Variants in ANO2 observed in about 807,000 individuals in gnomAD.
The protein encoded by ANO2 is anoctamin 2, also known as anoctamin-2.
ANO2 carries 101 observed loss-of-function variants against 124.2 expected under a neutral mutation model. That is an observed-to-expected ratio of 0.81 (90% CI 0.69 to 0.96). ANO2 has a LOEUF of 0.96. ANO2 is among the 40% of genes least tolerant of loss of function. The pLI is 0.00. For synonymous variants in ANO2, 486 were observed against 482.5 expected, an observed-to-expected ratio of 1.01 and a Z score of -0.09; for missense variants, 1,293 against 1,274.5, an observed-to-expected ratio of 1.01 and a Z score of -0.22.
At chr12:5,603,762 G>A (rs938445777) in intron 19 of ANO2, among the ~76,000 whole-genome samples, 10 of 151,772 alleles carry the variant, frequency 6.6e-5, no homozygotes, top group Non-Finnish European at 1.0e-4. Context: ...TGGCTAACAC[G>A]GTGAAACCCC....
intron 10 of ANO2, among the ~76,000 whole-genome samples, chr12:5,763,434 G>T (rs1481304563): frequency 1.3e-5 from 2 of 151,936 alleles, no homozygotes; most frequent in African/African-American, 4.8e-5. Context: ...ATCATGCCTT[G>T]CTTTTCTCTT....
intron 7 of ANO2, among the ~76,000 whole-genome samples, chr12:5,820,974 G>A (rs1298259366): frequency 2.0e-5 from 3 of 152,214 alleles, no homozygotes; most frequent in Admixed American, 2.0e-4. Flanking sequence ...CAGCTGGCAA[G>A]GCCATTAATA....
At chr12:5,922,586 CT>C in intron 2 of ANO2, 33 bp downstream of exon 2, 1 of 1,507,444 alleles carries the variant, frequency 6.6e-7, no homozygotes, top group Non-Finnish European at 8.8e-7. Context: ...CAGGGCTGGC[CT>C]ATCCCCCCAC....
chr12:5,912,478 A>C (rs1365463367), intron 3 of ANO2, among the ~76,000 whole-genome samples: 1 of 152,144 alleles, frequency 6.6e-6, no homozygotes, highest in Non-Finnish European at 1.5e-5. Flanking sequence ...AGAATGCTGA[A>C]GGTTAATGTT....
intron 15 of ANO2, among the ~76,000 whole-genome samples, chr12:5,637,440 G>A (rs1946084191): frequency 6.6e-6 from 1 of 151,922 alleles, no homozygotes; most frequent in Non-Finnish European, 1.5e-5. Flanking sequence ...CTTTGTTTAG[G>A]GTCTTGTGGG....
intron 15 of ANO2, among the ~76,000 whole-genome samples, chr12:5,646,228 A>G (rs146856436): frequency 1.3e-3 from 199 of 152,272 alleles, no homozygotes; most frequent in Non-Finnish European, 2.5e-3. Context: ...CTCAAGGTAA[A>G]AGCAGCTCTA....
At position 5,610,972 on chromosome 12, in the gene ANO2, CT is replaced by C. The variant is rs34792083; in HGVS notation, c.2087+1683del. Among the ~76,000 whole-genome samples, 78 of 113,616 alleles carry C rather than the reference CT, an allele frequency of 6.9e-4. 3 individuals carry two copies. The highest frequency in any genetic ancestry group is 1.1e-3 in the African/African-American group (36 of 31,670). 74.5% of individuals were successfully genotyped at this position (113,616 alleles called of 152,430 possible). On this transcript the variant is annotated intron_variant, in intron 19 of 24. Transcript: ENST00000682330. ...ACACATCCTGGAACAAACTTCTCTG[CT>C]TTTTTTTTTTTTTTTTGAGACAGAG...
At chr12:5,590,214 T>A (rs1280090040) in intron 20 of ANO2, among the ~76,000 whole-genome samples, 1 of 144,856 alleles carries the variant, frequency 6.9e-6, no homozygotes, top group African/African-American at 2.5e-5. Flanking sequence ...CATTATGAGA[T>A]TTTTTTTTGC....
At chr12:5,786,215 G>C (rs1952535569) in intron 10 of ANO2, among the ~76,000 whole-genome samples, 1 of 152,126 alleles carries the variant, frequency 6.6e-6, no homozygotes, top group Admixed American at 6.5e-5. Context: ...TTAGGATTGA[G>C]ATTCTATCTC....
At chr12:5,882,784 C>G (rs1299621842) in intron 3 of ANO2, among the ~76,000 whole-genome samples, 3 of 152,148 alleles carry the variant, frequency 2.0e-5, no homozygotes, top group African/African-American at 7.2e-5. Flanking sequence ...CAGCAGCAGA[C>G]TAAAGCCCCA....
rs563482442 is a variant in ANO2 at position 5,589,825 on chromosome 12, T to C, written c.2233+9659A>G. ...GGCAGGGCAGGAGGGAGCTGTAGGG[T>C]GCGGAGGATTCACTTTCCTGGACCA... On this transcript the variant is annotated intron_variant, in intron 20 of 24. Transcript: ENST00000682330. 1.2e-4 allele frequency among the ~76,000 whole-genome samples: 18 copies of C among 151,230 alleles called. No individual in the cohort carries two copies. The South Asian group carries it at 3.6e-3, about 30-fold the overall frequency.
rs960774718 is a variant in ANO2, at chr12:5,658,886, C to T, written c.1546-11085G>A. Among the ~76,000 whole-genome samples the T allele has an allele frequency of 1.3e-5, 2 of 152,142 alleles. No homozygotes were observed. The highest frequency in any genetic ancestry group is 2.1e-4 in the South Asian group (1 of 4,814). On this transcript the variant is annotated intron_variant, in intron 14 of 24. Transcript: ENST00000682330. The surrounding 1 kb of genome is among the most constrained non-coding windows in gnomAD (Gnocchi z 4.3). ...TCATCATCATCATCAACATCATTAT[C>T]ATCATTAAAATCATCATCAGCAACA...
chr12:5,697,220 T>G (rs1319776856), intron 14 of ANO2, among the ~76,000 whole-genome samples: 1 of 151,326 alleles, frequency 6.6e-6, no homozygotes, highest in Non-Finnish European at 1.5e-5. Flanking sequence ...GATCACAAGA[T>G]CAGGAGATCA....
In ANO2 at chr12:5,812,575, AAG is replaced by A. The variant is rs1296967229; in HGVS notation, c.893-5209_893-5208del. 8.9e-4 allele frequency among the ~76,000 whole-genome samples: 4 copies of A among 4,486 alleles called. 2 individuals are homozygous for A. The South Asian group carries it at 0.026, about 30-fold the overall frequency. 2.9% of individuals were successfully genotyped at this position (4,486 alleles called of 152,430 possible). The stretch of plus-strand genomic sequence containing the variant: ...AGAAAGAAAGAAAGAAAAAGAAAAA[AAG>A]AAAGAGAAAGAAAGAGGAAGAAGAA... On this transcript the variant is annotated intron_variant, in intron 7 of 24. Transcript: ENST00000682330.
chr12:5,798,907 A>C (rs1371036235), intron 10 of ANO2, among the ~76,000 whole-genome samples: 5 of 152,214 alleles, frequency 3.3e-5, no homozygotes. Flanking sequence ...ATGACATTCC[A>C]GTAAGTTATT....
In ANO2 at chr12:5,636,360, A is replaced by G. The variant is rs544756824; in HGVS notation, c.1621-1013T>C. On this transcript the variant is annotated intron_variant, in intron 15 of 24. Coordinates refer to ENST00000682330, the MANE Select transcript of ANO2 (RefSeq NM_001364791.2). The surrounding 1 kb of genome is among the most constrained non-coding windows in gnomAD (Gnocchi z 4.6). ...AGTAAAGCCTCTTAGAGGGGATAGA[A>G]GAAGGAGAGACAACTGCTAGGTGCA... Among the ~76,000 whole-genome samples, 7 of 152,246 alleles carry G rather than the reference A, an allele frequency of 4.6e-5. No homozygotes were observed. In the South Asian group the frequency reaches 1.5e-3, roughly 32 times the overall value.
chr12:5,667,406 A>C (rs1327043471), intron 14 of ANO2, among the ~76,000 whole-genome samples: 12 of 151,918 alleles, frequency 7.9e-5, no homozygotes, highest in Non-Finnish European at 2.9e-5. Context: ...AATCTGGTAC[A>C]TTGACCTAAT....
intron 10 of ANO2, among the ~76,000 whole-genome samples, chr12:5,798,779 C>T (rs1288599391): frequency 6.6e-6 from 1 of 152,218 alleles, no homozygotes; most frequent in Non-Finnish European, 1.5e-5. Context: ...CAGGCCCAGA[C>T]CAGAACTCAC....
intron 16 of ANO2, among the ~76,000 whole-genome samples, chr12:5,624,468 C>T (rs1012334415): frequency 3.9e-5 from 6 of 152,030 alleles, no homozygotes; most frequent in African/African-American, 1.2e-4. Flanking sequence ...TCACAGACAC[C>T]CCCAACACCC....
Sources: gnomAD v4.1 joint callset for allele counts (sites outside exome capture counted in the v4.1 genomes callset) on GRCh38, gnomAD v4.1.1 for gene constraint, Gnocchi (gnomAD v3.1) non-coding constraint, MANE v1.5 for transcripts, NCBI Gene and HGNC (gene_info 2026-07-23, HGNC 2026-07-21) for gene names.